The following ANKFN1 variants were observed in gnomAD, a reference collection of about 807,000 sequenced individuals.
ANKFN1 encodes the protein ankyrin repeat and fibronectin type III domain containing 1, also known as ankyrin repeat and fibronectin type-III domain-containing protein 1.
In ANKFN1, 74 loss-of-function variants were observed where a neutral mutation model predicts 108.7. That is an observed-to-expected ratio of 0.68 (90% CI 0.56 to 0.83). The LOEUF is 0.83. ANKFN1 is among the 40% of genes least tolerant of loss of function. The pLI, the probability that ANKFN1 is intolerant of heterozygous loss-of-function variation, is 0.00. For synonymous variants in ANKFN1, 547 were observed against 516.2 expected, an observed-to-expected ratio of 1.06 and a Z score of -0.81; for missense variants, 1,505 against 1,382.3, an observed-to-expected ratio of 1.09 and a Z score of -1.41.
chr17:56,354,757 C>A (rs998187288), intron 6 of ANKFN1, among the ~76,000 whole-genome samples: 7 of 152,090 alleles, frequency 4.6e-5, no homozygotes, highest in Non-Finnish European at 7.4e-5. Context: ...AAAAAAATTC[C>A]ACATGTAAGT....
intron 8 of ANKFN1, among the ~76,000 whole-genome samples, chr17:56,391,168 G>C (rs1346586223): frequency 6.9e-6 from 1 of 145,882 alleles, no homozygotes; most frequent in Non-Finnish European, 1.5e-5. Flanking sequence ...TCCCTTCTAA[G>C]ACCAATCAAA....
At chr17:56,108,750 G>A (rs751823799) in intron 4 of ANKFN1, among the ~76,000 whole-genome samples, 67 of 152,174 alleles carry the variant, frequency 4.4e-4, no homozygotes, top group Admixed American at 7.9e-4. Context: ...CTAGGAAGAA[G>A]GTTTTTTATT....
chr17:56,222,505 G>A (rs762115054), intron 2 of ANKFN1, among the ~76,000 whole-genome samples: 2 of 152,196 alleles, frequency 1.3e-5, no homozygotes, highest in South Asian at 4.1e-4. Context: ...GTGGCTGTCT[G>A]TGAGATAGTC....
chr17:56,158,327 G>A (rs1196972102), intron 1 of ANKFN1, among the ~76,000 whole-genome samples: 1 of 152,110 alleles, frequency 6.6e-6, no homozygotes, highest in Non-Finnish European at 1.5e-5. Flanking sequence ...CCCAACCCAA[G>A]ACCTTTTTAA....
At chr17:56,400,303 T>C (rs183702504) in intron 8 of ANKFN1, among the ~76,000 whole-genome samples, 2 of 152,298 alleles carry the variant, frequency 1.3e-5, no homozygotes, top group East Asian at 3.9e-4. Flanking sequence ...TGGTATCACA[T>C]TGTGGTTTTG....
intron 3 of ANKFN1, among the ~76,000 whole-genome samples, chr17:56,247,581 A>T (rs536506116): frequency 1.3e-4 from 20 of 152,282 alleles, no homozygotes; most frequent in Admixed American, 5.2e-4. Context: ...TAATTACCTG[A>T]TTTAATCCTA....
rs190035000 is a variant in ANKFN1, at chr17:56,400,606, G to C, written c.910+25892G>C. ...GCAAAAGTTTAATTAGGTCCCAGCT[G>C]TTTATCTTTGTTTTTATTGCATTTG... is the stretch of plus-strand genomic sequence containing the variant. On this transcript the variant is annotated intron_variant, in intron 8 of 20. Transcript: ENST00000682825. 2.1e-3 allele frequency among the ~76,000 whole-genome samples: 317 copies of C among 152,142 alleles called. 1 individual carries two copies. Among genetic ancestry groups the C allele is most frequent in the Non-Finnish European group, 3.5e-3 (240 of 67,946 alleles).
intron 3 of ANKFN1, among the ~76,000 whole-genome samples, chr17:56,233,051 G>A (rs62073005): frequency 6.6e-5 from 10 of 151,800 alleles, no homozygotes; most frequent in Admixed American, 2.0e-4. Flanking sequence ...TTGTATCTGC[G>A]TCATAAGGTG....
At chr17:56,413,019 T>C (rs1249435985) in intron 8 of ANKFN1, among the ~76,000 whole-genome samples, 1 of 152,258 alleles carries the variant, frequency 6.6e-6, no homozygotes, top group Non-Finnish European at 1.5e-5. Context: ...GTGTCTTGTT[T>C]ATTTCTGCCT....
intron 1 of ANKFN1, among the ~76,000 whole-genome samples, chr17:56,200,232 A>AT (rs1913926309): frequency 6.6e-6 from 1 of 152,226 alleles, no homozygotes; most frequent in South Asian, 2.1e-4. Context: ...AGTTTTTAAA[A>AT]TTTTCAAAAG....
At chr17:56,120,773 G>A (rs981154634) in intron 4 of ANKFN1, among the ~76,000 whole-genome samples, 2 of 152,050 alleles carry the variant, frequency 1.3e-5, no homozygotes, top group African/African-American at 4.8e-5. Context: ...AGTATTACTT[G>A]CCATTATCAG....
intron 4 of ANKFN1, among the ~76,000 whole-genome samples, chr17:56,067,187 T>TA (rs113736302): frequency 5.4e-4 from 80 of 148,724 alleles, no homozygotes; most frequent in African/African-American, 1.4e-3. Flanking sequence ...AGACTCCATC[T>TA]AAAAAAAAAA....
intron 8 of ANKFN1, among the ~76,000 whole-genome samples, chr17:56,382,747 G>C (rs2047143837): frequency 6.6e-6 from 1 of 152,138 alleles, no homozygotes; most frequent in African/African-American, 2.4e-5. Flanking sequence ...ATTACATAAT[G>C]GTAAAGGGAT....
chr17:56,334,521 C>A (rs2144584979), intron 4 of ANKFN1, among the ~76,000 whole-genome samples: 1 of 151,904 alleles, frequency 6.6e-6, no homozygotes, highest in African/African-American at 2.4e-5. Flanking sequence ...AGGATAATAA[C>A]TAATATTTAT....
In ANKFN1 at chr17:56,516,442, A is replaced by G. The variant is rs937153661; in HGVS notation, c.*5173A>G. Among the ~76,000 whole-genome samples, 2 of 152,204 alleles carry G rather than the reference A, an allele frequency of 1.3e-5. No homozygotes were observed. Among genetic ancestry groups the G allele is most frequent in the Non-Finnish European group, 2.9e-5 (2 of 68,042 alleles). On this transcript the variant is annotated 3_prime_UTR_variant, in exon 21 of 21. Coordinates refer to ENST00000682825, the MANE Select transcript of ANKFN1 (RefSeq NM_001370326.1). ...AATTTATTGTGTCTTATTGCTATGT[A>G]TGCAACTGAGTGTATGTTAAAGTTT...
intron 3 of ANKFN1, among the ~76,000 whole-genome samples, chr17:56,275,200 G>A (rs1014056649): frequency 6.6e-6 from 1 of 152,140 alleles, no homozygotes; most frequent in Non-Finnish European, 1.5e-5. Flanking sequence ...ATGCATGACA[G>A]TGAGACAGAT....
chr17:56,197,940 G>T (rs1025068341), intron 1 of ANKFN1, among the ~76,000 whole-genome samples: 1 of 152,154 alleles, frequency 6.6e-6, no homozygotes, highest in African/African-American at 2.4e-5. Flanking sequence ...AGCCCAAGAG[G>T]TCGAGGCTAC....
At chr17:56,281,828 A>C (rs2077553347) in intron 3 of ANKFN1, among the ~76,000 whole-genome samples, 1 of 152,192 alleles carries the variant, frequency 6.6e-6, no homozygotes, top group Non-Finnish European at 1.5e-5. Context: ...AAAAATACTG[A>C]CAATACCAAA....
At chr17:56,370,005 G>C (rs1350038086) in intron 6 of ANKFN1, among the ~76,000 whole-genome samples, 1 of 151,988 alleles carries the variant, frequency 6.6e-6, no homozygotes, top group East Asian at 1.9e-4. Context: ...TAAATAATAT[G>C]CTTAATCAAA....
Sources: allele counts gnomAD v4.1 joint callset (sites outside exome capture counted in the v4.1 genomes callset), GRCh38; gene constraint gnomAD v4.1.1; transcripts MANE v1.5; gene names NCBI Gene and HGNC (gene_info 2026-07-23, HGNC 2026-07-21).